DRC2: variants seen among roughly 807,000 people sequenced by gnomAD.
The protein encoded by DRC2 is dynein regulatory complex subunit 2, also known as coiled-coil domain containing 65.
At chr12:48,921,430 A>T in the DRC2 span, 1 of 1,606,512 alleles carries the variant, frequency 6.2e-7, no homozygotes, top group South Asian at 1.1e-5. Flanking sequence ...GATAAACAAC[A>T]TCCAACCACT....
chr12:48,904,286 G>T, the DRC2 span: 1 of 1,578,992 alleles, frequency 6.3e-7, no homozygotes, highest in Non-Finnish European at 8.6e-7. Flanking sequence ...GCTCTGTAAC[G>T]CGGGCCGAGG....
chr12:48,921,492 G>GA, the DRC2 span: 9 of 1,528,916 alleles, frequency 5.9e-6, no homozygotes, highest in East Asian at 2.3e-5. Flanking sequence ...GTGATCTAAG[G>GA]AAAAAAATCT....
chr12:48,907,403 T>C, the DRC2 span, among the ~76,000 whole-genome samples: 1 of 152,100 alleles, frequency 6.6e-6, no homozygotes, highest in African/African-American at 2.4e-5. Context: ...GGAAGCTGAG[T>C]AGTTGGCCAG....
chr12:48,916,449 A>C, the DRC2 span, among the ~76,000 whole-genome samples: 2 of 152,108 alleles, frequency 1.3e-5, no homozygotes, highest in African/African-American at 4.8e-5. Flanking sequence ...AAAATACGAA[A>C]ACCAGTCAGG....
At chr12:48,904,861 G>A in the DRC2 span, 2 of 1,177,326 alleles carry the variant, frequency 1.7e-6, no homozygotes, top group Non-Finnish European at 2.4e-6. Flanking sequence ...AAGGGGTAAG[G>A]TGTCAGCTGA....
chr12:48,918,522 C>T, the DRC2 span: 1 of 1,575,248 alleles, frequency 6.3e-7, no homozygotes, highest in Non-Finnish European at 8.7e-7. Context: ...CTCTATTATC[C>T]CCTCTTTTGC....
the DRC2 span, among the ~76,000 whole-genome samples, chr12:48,912,437 C>CAAAGAAAAAAA: frequency 2.2e-5 from 1 of 45,356 alleles, no homozygotes; most frequent in South Asian, 1.7e-3. Flanking sequence ...GACGCCGTCT[C>CAAAGAAAAAAA]AAAAAAAAAA....
the DRC2 span, among the ~76,000 whole-genome samples, chr12:48,905,344 T>C: frequency 6.6e-6 from 1 of 152,216 alleles, no homozygotes; most frequent in East Asian, 1.9e-4. Context: ...TACTATCCAA[T>C]AGTAGAGTCA....
At chr12:48,907,284 T>C in the DRC2 span, among the ~76,000 whole-genome samples, 1 of 152,150 alleles carries the variant, frequency 6.6e-6, no homozygotes, top group Non-Finnish European at 1.5e-5. Flanking sequence ...TGTTCCATTA[T>C]TGGAATGCTA....
the DRC2 span, among the ~76,000 whole-genome samples, chr12:48,907,727 C>G: frequency 1.0e-3 from 153 of 152,316 alleles, 1 homozygote; most frequent in African/African-American, 3.6e-3. Context: ...CTCTATGGCA[C>G]TGACATTCTT....
At chr12:48,904,852 A>T in the DRC2 span, 1 of 1,074,762 alleles carries the variant, frequency 9.3e-7, no homozygotes, top group Non-Finnish European at 1.3e-6. Flanking sequence ...CCCATCGAAA[A>T]GGGGTAAGGT....
the DRC2 span, among the ~76,000 whole-genome samples, chr12:48,912,100 A>C: frequency 2.0e-5 from 3 of 152,132 alleles, no homozygotes; most frequent in Middle Eastern, 3.4e-3. Context: ...TCTACTAAAA[A>C]ATATAAAAAA....
the DRC2 span, chr12:48,920,927 T>C: frequency 6.2e-7 from 1 of 1,607,346 alleles, no homozygotes; most frequent in Non-Finnish European, 8.5e-7. Context: ...CCGCTTCAAA[T>C]AGGGTGAAAA....
chr12:48,916,942 A>G, the DRC2 span: 592,613 of 1,604,608 alleles, frequency 0.37, 114,087 homozygotes, highest in Admixed American at 0.52. Flanking sequence ...TATCCCTCAG[A>G]GCAGGGACAG....
the DRC2 span, chr12:48,919,002 T>G: frequency 1.2e-6 from 1 of 859,702 alleles, no homozygotes; most frequent in Non-Finnish European, 1.8e-6. Context: ...TCTTCCTGCT[T>G]CCTGGCTGAG....
the DRC2 span, chr12:48,921,144 T>C: frequency 1.9e-6 from 3 of 1,612,562 alleles, no homozygotes; most frequent in Non-Finnish European, 2.5e-6. Flanking sequence ...GCTGCACACC[T>C]TCTCCCTGTA....
At chr12:48,911,064 A>G in the DRC2 span, among the ~76,000 whole-genome samples, 1 of 152,152 alleles carries the variant, frequency 6.6e-6, no homozygotes, top group Non-Finnish European at 1.5e-5. Context: ...TTACAACCGC[A>G]TAGTATTCTG....
the DRC2 span, among the ~76,000 whole-genome samples, chr12:48,920,544 C>T: frequency 2.6e-5 from 3 of 116,754 alleles, no homozygotes; most frequent in Non-Finnish European, 5.0e-5. Flanking sequence ...TTTTTTGAGA[C>T]AGGGTCTCGC....
At chr12:48,916,631 G>GGGGAGAGGGAGACCATGGGGAGA in the DRC2 span, among the ~76,000 whole-genome samples, 9 of 148,896 alleles carry the variant, frequency 6.0e-5, no homozygotes, top group Admixed American at 3.4e-4. Flanking sequence ...GGGAGACCAT[G>GGGGAGAGGGAGACCATGGGGAGA]GGGAGAGGGA....
Sources: allele counts gnomAD v4.1 joint callset (sites outside exome capture counted in the v4.1 genomes callset), GRCh38; gene constraint gnomAD v4.1.1; transcripts MANE v1.5; gene names NCBI Gene and HGNC (gene_info 2026-07-23, HGNC 2026-07-21).